ANO3: variants seen among roughly 807,000 people sequenced by gnomAD.
ANO3 encodes the protein anoctamin 3, also known as anoctamin-3.
ANO3 carries 99 observed loss-of-function variants against 144.8 expected under a neutral mutation model. That is an observed-to-expected ratio of 0.68 (90% CI 0.58 to 0.81). ANO3 has a LOEUF of 0.81. ANO3 is among the 30% of genes least tolerant of loss of function. ANO3 has a pLI of 0.00. For synonymous variants in ANO3, 414 were observed against 392.6 expected (o/e 1.05, Z -0.64); for missense variants, 905 against 1,202.2 (o/e 0.75, Z 3.66).
intron 4 of ANO3, among the ~76,000 whole-genome samples, chr11:26,479,482 T>C (rs1286534049): frequency 6.6e-6 from 1 of 151,952 alleles, no homozygotes; most frequent in African/African-American, 2.4e-5. Flanking sequence ...GGAAGGCAAA[T>C]GAGGAGCAAA....
intron 4 of ANO3, among the ~76,000 whole-genome samples, chr11:26,488,688 C>T (rs1860570740): frequency 6.6e-6 from 1 of 152,134 alleles, no homozygotes; most frequent in Non-Finnish European, 1.5e-5. Context: ...TCACTGACTT[C>T]AGGAATGAAG....
At chr11:26,283,353 T>C (rs1186156153) in intron 1 of ANO3, among the ~76,000 whole-genome samples, 12 of 116,934 alleles carry the variant, frequency 1.0e-4, no homozygotes, top group African/African-American at 3.7e-4. Flanking sequence ...TATATATATA[T>C]ATATATATAT....
At chr11:26,654,576 C>T (rs997716011) in intron 24 of ANO3, among the ~76,000 whole-genome samples, 1 of 151,836 alleles carries the variant, frequency 6.6e-6, no homozygotes, top group African/African-American at 2.4e-5. Context: ...TATATTGTTT[C>T]TTTATGTTAA....
chr11:26,270,721 C>G (rs1853420383), intron 1 of ANO3, among the ~76,000 whole-genome samples: 1 of 152,184 alleles, frequency 6.6e-6, no homozygotes. Context: ...GAGAAAAATA[C>G]AGACCTTCTC....
chr11:26,528,222 G>A (rs1240018017), intron 7 of ANO3, among the ~76,000 whole-genome samples: 1 of 152,004 alleles, frequency 6.6e-6, no homozygotes, highest in Non-Finnish European at 1.5e-5. Context: ...TGTGCCCCGT[G>A]GTGTCAGACA....
chr11:26,597,763 A>G (rs563165770), intron 14 of ANO3, among the ~76,000 whole-genome samples: 1 of 152,304 alleles, frequency 6.6e-6, no homozygotes, highest in South Asian at 2.1e-4. Flanking sequence ...CCCGTCTAGA[A>G]AAAAAATAAA....
chr11:26,497,606 G>A (rs909863673), intron 4 of ANO3, among the ~76,000 whole-genome samples: 5 of 152,016 alleles, frequency 3.3e-5, no homozygotes, highest in South Asian at 2.1e-4. Context: ...TTTTCACTGG[G>A]TCTGTGAGGT....
chr11:26,531,151 G>T, intron 7 of ANO3, 54 bp from the exon 8 acceptor site: 1 of 1,598,954 alleles, frequency 6.3e-7, no homozygotes, highest in Non-Finnish European at 8.5e-7. Flanking sequence ...GTGGAAGGTA[G>T]TCATGGCTTT....
intron 3 of ANO3, among the ~76,000 whole-genome samples, chr11:26,454,763 A>G (rs569290144): frequency 6.8e-6 from 1 of 146,358 alleles, no homozygotes; most frequent in African/African-American, 2.5e-5. Context: ...AGGCAGAGAC[A>G]CAACAAAAAA....
chr11:26,318,696 A>G (rs575374265), intron 1 of ANO3, among the ~76,000 whole-genome samples: 1 of 152,320 alleles, frequency 6.6e-6, no homozygotes, highest in South Asian at 2.1e-4. Context: ...GAGAACTTGT[A>G]TGATGTGCAT....
intron 17 of ANO3, among the ~76,000 whole-genome samples, chr11:26,602,664 G>C (rs945233230): frequency 6.7e-6 from 1 of 150,170 alleles, no homozygotes; most frequent in African/African-American, 2.4e-5. Context: ...AGGTGGGAGG[G>C]TCAGTTGAGA....
intron 20 of ANO3, among the ~76,000 whole-genome samples, chr11:26,637,977 G>A (rs6484226): frequency 0.35 from 52,792 of 151,976 alleles, 9,758 homozygotes; most frequent in South Asian, 0.48. Context: ...GATTTTTGTT[G>A]AAATCACGTT....
At chr11:26,268,074 T>G (rs191629614) in intron 1 of ANO3, among the ~76,000 whole-genome samples, 1 of 152,224 alleles carries the variant, frequency 6.6e-6, no homozygotes, top group Admixed American at 6.5e-5. Flanking sequence ...AGGAAAGAAC[T>G]ATAAGAAAAT....
At chr11:26,570,357 A>G (rs1374365169) in intron 14 of ANO3, among the ~76,000 whole-genome samples, 2 of 152,152 alleles carry the variant, frequency 1.3e-5, no homozygotes, top group African/African-American at 4.8e-5. Flanking sequence ...GCAAACCCAC[A>G]TTCACTGTCC....
chr11:26,524,712 A>G (rs770136206), intron 6 of ANO3, among the ~76,000 whole-genome samples: 7 of 152,114 alleles, frequency 4.6e-5, no homozygotes, highest in Admixed American at 2.0e-4. Flanking sequence ...TCTACTTAAA[A>G]CACTCAATAT....
chr11:26,410,792 G>T (rs1307006128), intron 1 of ANO3, among the ~76,000 whole-genome samples: 3 of 151,990 alleles, frequency 2.0e-5, no homozygotes, highest in African/African-American at 7.2e-5. Flanking sequence ...CTACACCGAG[G>T]GAGCCATTGA....
In ANO3 at chr11:26,598,156, A is replaced by G. The variant is rs1409423651; in HGVS notation, c.1448-209A>G. Among the ~76,000 whole-genome samples, 6 of 152,230 alleles carry G rather than the reference A, an allele frequency of 3.9e-5. No homozygotes were observed. The South Asian group carries it at 8.3e-4, about 21-fold the overall frequency. The stretch of plus-strand genomic sequence containing the variant: ...AGTCCCTGCTTCTTGGTTCCAGTAA[A>G]AGAAATCACACCCCTCTAGCAGTGT... On this transcript the variant is annotated intron_variant, in intron 14 of 26. Coordinates refer to ENST00000256737, the MANE Select transcript of ANO3 (RefSeq NM_031418.4).
intron 1 of ANO3, among the ~76,000 whole-genome samples, chr11:26,409,862 C>T (rs990531209): frequency 6.6e-6 from 1 of 151,924 alleles, no homozygotes; most frequent in African/African-American, 2.4e-5. Context: ...CCTTTACAGA[C>T]AAGGCAGCCA....
chr11:26,643,294 T>G lies in ANO3; in HGVS notation c.2388T>G (p.Thr796=). ...GGCTGGATGCATACAAATTTGTCAC[T>G]CAATGGCGGAGGCCTTTGCCAGCCC... ...EIRLDAYKFV[T]QWRRPLPARA... Residue 796 remains threonine, a synonymous_variant, in exon 23 of 27, where the codon ACT becomes ACG. Coordinates refer to ENST00000256737, the MANE Select transcript of ANO3 (RefSeq NM_031418.4). 1 of 1,614,184 alleles carries G rather than the reference T, an allele frequency of 6.2e-7. No individual in the cohort carries two copies. Among genetic ancestry groups the G allele is most frequent in the Non-Finnish European group, 8.5e-7 (1 of 1,180,024 alleles).
Sources: allele counts gnomAD v4.1 joint callset (sites outside exome capture counted in the v4.1 genomes callset), GRCh38; gene constraint gnomAD v4.1.1; transcripts MANE v1.5; gene names NCBI Gene and HGNC (gene_info 2026-07-23, HGNC 2026-07-21).